PLCL1: variants seen among roughly 807,000 people sequenced by gnomAD.
The protein encoded by PLCL1 is phospholipase C like 1 (inactive), also known as inactive phospholipase C-like protein 1.
PLCL1 carries 41 observed loss-of-function variants against 84.4 expected under a neutral mutation model. That is an observed-to-expected ratio of 0.49 (90% CI 0.38 to 0.63). PLCL1 has a LOEUF of 0.63. PLCL1 is among the 30% of genes least tolerant of loss of function. The pLI is 0.00. For missense variants in PLCL1, 1,206 were observed against 1,367.8 expected, an observed-to-expected ratio of 0.88 and a Z score of 1.87; for synonymous variants, 490 against 488.3, an observed-to-expected ratio of 1.00 and a Z score of -0.05.
intron 1 of PLCL1, among the ~76,000 whole-genome samples, chr2:197,843,133 C>T (rs1687044120): frequency 6.6e-6 from 1 of 152,090 alleles, no homozygotes; most frequent in Admixed American, 6.5e-5. Flanking sequence ...TATGACTGTT[C>T]TGCTCATTGT....
intron 1 of PLCL1, among the ~76,000 whole-genome samples, chr2:198,027,249 C>T (rs140670046): frequency 1.3e-5 from 2 of 152,166 alleles, no homozygotes; most frequent in Non-Finnish European, 2.9e-5. Flanking sequence ...GTGAGATCAA[C>T]CAGACTCAGA....
intron 1 of PLCL1, among the ~76,000 whole-genome samples, chr2:197,906,282 G>A (rs529713593): frequency 2.7e-5 from 4 of 150,684 alleles, no homozygotes; most frequent in Non-Finnish European, 5.9e-5. Flanking sequence ...TTTTCTGAAT[G>A]CCAGTTTTCC....
intron 1 of PLCL1, among the ~76,000 whole-genome samples, chr2:197,924,111 C>T (rs1253504702): frequency 2.2e-5 from 3 of 135,206 alleles, no homozygotes; most frequent in Non-Finnish European, 3.1e-5. Context: ...AGTCCAGCTT[C>T]GGCTCCGCAT....
At chr2:197,894,157 CCT>C (rs1299525939) in intron 1 of PLCL1, among the ~76,000 whole-genome samples, 9 of 151,906 alleles carry the variant, frequency 5.9e-5, no homozygotes, top group African/African-American at 1.9e-4. Flanking sequence ...TTGTCTATCC[CCT>C]GTCCATGCCC....
At position 197,912,857 on chromosome 2, in the gene PLCL1, C is replaced by T. The variant is rs1177972768; in HGVS notation, c.240+107518C>T. Among the ~76,000 whole-genome samples the T allele has an allele frequency of 8.0e-5, 11 of 137,510 alleles. No homozygotes were observed. The South Asian group carries it at 1.2e-3, about 15-fold the overall frequency. 90.2% of individuals were successfully genotyped at this position (137,510 alleles called of 152,430 possible). A position where few individuals can be genotyped will look rare whatever the true frequency, so the allele number is the denominator to read the frequency against. On this transcript the variant is annotated intron_variant, in intron 1 of 5. Coordinates refer to ENST00000428675, the MANE Select transcript of PLCL1 (RefSeq NM_006226.4). ...GGGAGATATACCTAATGCTAGATGA[C>T]GAGTTAGTGGGTGCAGCGCACCAGC...
intron 1 of PLCL1, among the ~76,000 whole-genome samples, chr2:197,861,946 T>C: frequency 6.6e-6 from 1 of 152,210 alleles, no homozygotes; most frequent in East Asian, 1.9e-4. Flanking sequence ...AAGTAATATA[T>C]TTAGCAATTT....
At chr2:197,832,318 G>A (rs1691084471) in intron 1 of PLCL1, among the ~76,000 whole-genome samples, 1 of 152,006 alleles carries the variant, frequency 6.6e-6, no homozygotes, top group Non-Finnish European at 1.5e-5. Context: ...AATGGTAAAG[G>A]GGAGATCACC....
At chr2:198,035,061 C>A (rs530544360) in intron 1 of PLCL1, among the ~76,000 whole-genome samples, 2 of 152,272 alleles carry the variant, frequency 1.3e-5, no homozygotes, top group South Asian at 4.1e-4. Context: ...TATTTCTGCA[C>A]TGTAAAATTA....
intron 1 of PLCL1, among the ~76,000 whole-genome samples, chr2:198,055,521 G>GCTTTT (rs35503807): frequency 6.9e-6 from 1 of 144,830 alleles, no homozygotes. Flanking sequence ...CTTTTATTTT[G>GCTTTT]TTTTTTTTTT....
intron 1 of PLCL1, among the ~76,000 whole-genome samples, chr2:197,825,759 T>C (rs1156747697): frequency 6.6e-6 from 1 of 152,244 alleles, no homozygotes; most frequent in Non-Finnish European, 1.5e-5. Context: ...ATCTCATTTT[T>C]GCTACTTTCT....
At chr2:197,937,705 T>A (rs536328805) in intron 1 of PLCL1, among the ~76,000 whole-genome samples, 1 of 152,164 alleles carries the variant, frequency 6.6e-6, no homozygotes, top group African/African-American at 2.4e-5. Flanking sequence ...ACCTTAGACA[T>A]AGAATTTTGA....
At chr2:197,989,579 A>G (rs1160535709) in intron 1 of PLCL1, among the ~76,000 whole-genome samples, 1 of 152,128 alleles carries the variant, frequency 6.6e-6, no homozygotes, top group Non-Finnish European at 1.5e-5. Context: ...TATACATTTA[A>G]AAGTGTTTTG....
chr2:198,147,203 A>AGCGTGT lies in PLCL1; in HGVS notation c.*242_*243insCGTGTG, dbSNP rs147019933. ...ACCCCTGTGTGGATGCCTGTGGAAGAGTGTGTGTGTGTGTGTGTGTGTGTG... is the reference window on the plus strand; with the variant it reads ...ACCCCTGTGTGGATGCCTGTGGAAGAGCGTGTGTGTGTGTGTGTGTGTGTGTGTGTG... On this transcript the variant is annotated 3_prime_UTR_variant, in exon 6 of 6. Coordinates refer to ENST00000428675, the MANE Select transcript of PLCL1 (RefSeq NM_006226.4). 3 of 187,616 alleles carry AGCGTGT rather than the reference A, an allele frequency of 1.6e-5. No individual in the cohort carries two copies. Among genetic ancestry groups the AGCGTGT allele is most frequent in the Non-Finnish European group, 3.2e-5 (3 of 93,402 alleles). 11.6% of individuals were successfully genotyped at this position (187,616 alleles called of 1,614,324 possible).
At chr2:197,971,985 G>A (rs1342337854) in intron 1 of PLCL1, among the ~76,000 whole-genome samples, 1 of 152,108 alleles carries the variant, frequency 6.6e-6, no homozygotes, top group Admixed American at 6.5e-5. Flanking sequence ...ATGCATTTTG[G>A]TTATCACAGA....
chr2:197,910,430 A>C (rs1403260256), intron 1 of PLCL1, among the ~76,000 whole-genome samples: 5 of 152,188 alleles, frequency 3.3e-5, no homozygotes, highest in Non-Finnish European at 7.4e-5. Flanking sequence ...GGCTTTACCC[A>C]AGCCCTCCTT....
chr2:197,989,500 C>T (rs6736825), intron 1 of PLCL1, among the ~76,000 whole-genome samples: 27,452 of 151,948 alleles, frequency 0.18, 2,569 homozygotes, highest in East Asian at 0.26. Flanking sequence ...GACTTCCAGG[C>T]TAGATAATTT....
At chr2:197,946,261 A>G (rs1358999898) in intron 1 of PLCL1, among the ~76,000 whole-genome samples, 1 of 152,202 alleles carries the variant, frequency 6.6e-6, no homozygotes, top group Non-Finnish European at 1.5e-5. Flanking sequence ...GAAGATTGAC[A>G]TATTTGACTA....
intron 5 of PLCL1, among the ~76,000 whole-genome samples, chr2:198,133,115 A>G (rs1483415630): frequency 2.6e-5 from 4 of 151,806 alleles, no homozygotes; most frequent in African/African-American, 9.7e-5. Flanking sequence ...TTTTTCTCAG[A>G]TTTGTCAACC....
At chr2:198,048,567 GC>G (rs1691858650) in intron 1 of PLCL1, among the ~76,000 whole-genome samples, 1 of 152,218 alleles carries the variant, frequency 6.6e-6, no homozygotes, top group South Asian at 2.1e-4. Context: ...TGAAGGGAGA[GC>G]AGGTGCATCA....
Sources: allele counts gnomAD v4.1 joint callset (sites outside exome capture counted in the v4.1 genomes callset), GRCh38; gene constraint gnomAD v4.1.1; transcripts MANE v1.5; gene names NCBI Gene and HGNC (gene_info 2026-07-23, HGNC 2026-07-21).